The following MGAT5 variants were observed in gnomAD, a reference collection of about 807,000 sequenced individuals.
The protein encoded by MGAT5 is alpha-1,6-mannosylglycoprotein 6-beta-N-acetylglucosaminyltransferase A.
Under a neutral mutation model 94.3 loss-of-function variants are expected in MGAT5, and 30 were observed. That is an observed-to-expected ratio of 0.32 (90% confidence interval 0.24 to 0.43). MGAT5 has a LOEUF of 0.43. Among genes scored for constraint, MGAT5 ranks in the 20% least tolerant of loss-of-function variants. The pLI is 1.00. For synonymous variants in MGAT5, 310 were observed against 322.9 expected (o/e 0.96, Z 0.43); for missense variants, 691 against 905.5 (o/e 0.76, Z 3.04).
At chr2:134,277,334 AAGG>A (rs1684439423) in intron 2 of MGAT5, among the ~76,000 whole-genome samples, 1 of 152,154 alleles carries the variant, frequency 6.6e-6, no homozygotes. Flanking sequence ...TTTATAAAGA[AAGG>A]AGGTTTAACT....
intron 1 of MGAT5, among the ~76,000 whole-genome samples, chr2:134,129,927 C>T (rs959995603): frequency 6.6e-6 from 1 of 152,128 alleles, no homozygotes; most frequent in Admixed American, 6.5e-5. Context: ...CCTCTGCTTG[C>T]GGGGAGGTGT....
chr2:134,308,046 G>A (rs939893397), intron 2 of MGAT5, among the ~76,000 whole-genome samples: 7 of 152,124 alleles, frequency 4.6e-5, no homozygotes, highest in Non-Finnish European at 7.3e-5. Flanking sequence ...TACTTAATCT[G>A]CCTGGGCCTC....
Position 134,272,542 on chromosome 2 carries a change from A to G in MGAT5, c.406+1992A>G, listed in dbSNP as rs148527389. 2.9e-3 allele frequency among the ~76,000 whole-genome samples: 449 copies of G among 152,280 alleles called. 1 individual carries two copies. Among genetic ancestry groups the G allele is most frequent in the African/African-American group, 9.7e-3 (402 of 41,560 alleles). On this transcript the variant is annotated intron_variant, in intron 2 of 15. Coordinates refer to ENST00000281923, the MANE Select transcript of MGAT5 (RefSeq NM_002410.5). Reference sequence around the variant, plus strand: ...ACACATGCATAAAATGACACAAACCATGGTTGCTGTAAAGTGGGGGTGACT... The same window carrying G: ...ACACATGCATAAAATGACACAAACCGTGGTTGCTGTAAAGTGGGGGTGACT...
intron 1 of MGAT5, among the ~76,000 whole-genome samples, chr2:134,124,188 A>T (rs1205430345): frequency 6.6e-6 from 1 of 152,226 alleles, no homozygotes; most frequent in Non-Finnish European, 1.5e-5. Context: ...GTGTTAATAC[A>T]AACTAATAGC....
intron 1 of MGAT5, among the ~76,000 whole-genome samples, chr2:134,138,749 G>C (rs116586360): frequency 7.3e-4 from 111 of 152,224 alleles, no homozygotes; most frequent in African/African-American, 2.6e-3. Context: ...AACTTATGAG[G>C]GAAAGTGAAG....
intron 10 of MGAT5, among the ~76,000 whole-genome samples, chr2:134,387,330 ATATTTTTTTT>A (rs1682084007): frequency 1.0e-4 from 4 of 39,376 alleles, no homozygotes; most frequent in Admixed American, 8.1e-4. Context: ...ATATATATAT[ATATTTTTTTT>A]TTTTTTTTTT....
intron 4 of MGAT5, chr2:134,319,922 CT>C: frequency 3.9e-6 from 1 of 255,632 alleles, no homozygotes; most frequent in Non-Finnish European, 7.9e-6. Flanking sequence ...TAGAGCACTT[CT>C]TTTTCTCTCA....
chr2:134,234,112 G>T (rs1223906836), intron 1 of MGAT5, among the ~76,000 whole-genome samples: 1 of 152,170 alleles, frequency 6.6e-6, no homozygotes, highest in African/African-American at 2.4e-5. Context: ...GAAACAGTCA[G>T]TTGAAAGTTG....
chr2:134,278,284 C>G (rs1684499297), intron 2 of MGAT5, among the ~76,000 whole-genome samples: 1 of 152,160 alleles, frequency 6.6e-6, no homozygotes, highest in Non-Finnish European at 1.5e-5. Flanking sequence ...TGCCTTCATT[C>G]TTAGGCCATC....
chr2:134,428,729 G>A (rs1684724915), intron 14 of MGAT5, among the ~76,000 whole-genome samples: 1 of 152,226 alleles, frequency 6.6e-6, no homozygotes, highest in Non-Finnish European at 1.5e-5. Context: ...TGTGCCCTGA[G>A]TGGGTTCTGA....
chr2:134,171,658 C>T (rs1461680838), intron 1 of MGAT5, among the ~76,000 whole-genome samples: 1 of 152,174 alleles, frequency 6.6e-6, no homozygotes, highest in Non-Finnish European at 1.5e-5. Flanking sequence ...AAAGTTCATA[C>T]AATCTCTTTG....
intron 1 of MGAT5, among the ~76,000 whole-genome samples, chr2:134,232,916 C>T (rs771938401): frequency 2.0e-5 from 3 of 152,066 alleles, no homozygotes; most frequent in African/African-American, 7.2e-5. Flanking sequence ...GAATTATATC[C>T]CCAAAGAGTT....
At chr2:134,216,071 T>A (rs978742480) in intron 1 of MGAT5, among the ~76,000 whole-genome samples, 1 of 152,210 alleles carries the variant, frequency 6.6e-6, no homozygotes, top group Non-Finnish European at 1.5e-5. Context: ...TGTGTTCCAT[T>A]AGATTCCATC....
In MGAT5 at chr2:134,380,788, G is replaced by A. The variant is rs113787202; in HGVS notation, c.1380+18380G>A. ...TATTCAATTTGTAACTTAACAGAGCGCAAGAACCTGGTTTCATTCATTGAC... is the reference window on the plus strand; with the variant it reads ...TATTCAATTTGTAACTTAACAGAGCACAAGAACCTGGTTTCATTCATTGAC... On this transcript the variant is annotated intron_variant, in intron 10 of 15. Coordinates refer to ENST00000281923, the MANE Select transcript of MGAT5 (RefSeq NM_002410.5). 9.8e-4 allele frequency among the ~76,000 whole-genome samples: 149 copies of A among 152,290 alleles called. 1 individual carries two copies. The highest frequency in any genetic ancestry group is 3.2e-3 in the African/African-American group (132 of 41,552).
At chr2:134,271,231 G>A (rs1386496229) in intron 2 of MGAT5, among the ~76,000 whole-genome samples, 2 of 141,088 alleles carry the variant, frequency 1.4e-5, no homozygotes, top group Admixed American at 7.2e-5. Context: ...CCCCATCCCC[G>A]CAACTCCCCC....
chr2:134,308,263 T>C (rs1337172076), intron 2 of MGAT5, among the ~76,000 whole-genome samples: 1 of 152,170 alleles, frequency 6.6e-6, no homozygotes, highest in Non-Finnish European at 1.5e-5. Context: ...ATCCCATTTT[T>C]CCAGTGGTTA....
At chr2:134,212,974 C>T (rs1021374420) in intron 1 of MGAT5, among the ~76,000 whole-genome samples, 4 of 152,248 alleles carry the variant, frequency 2.6e-5, no homozygotes, top group Admixed American at 6.5e-5. Flanking sequence ...GAAGTTGATG[C>T]GTGTGGGAAA....
At chr2:134,293,258 T>C (rs1685481864) in intron 2 of MGAT5, among the ~76,000 whole-genome samples, 1 of 152,198 alleles carries the variant, frequency 6.6e-6, no homozygotes, top group Non-Finnish European at 1.5e-5. Flanking sequence ...TGGAAATGAA[T>C]ACATTATCAG....
chr2:134,127,570 T>C (rs1441235781), intron 1 of MGAT5, among the ~76,000 whole-genome samples: 1 of 134,038 alleles, frequency 7.5e-6, no homozygotes, highest in African/African-American at 2.7e-5. Context: ...GAAAGGAGTG[T>C]CATGGAGCTC....
Sources: gnomAD v4.1 joint callset for allele counts (sites outside exome capture counted in the v4.1 genomes callset) on GRCh38, gnomAD v4.1.1 for gene constraint, MANE v1.5 for transcripts, NCBI Gene and HGNC (gene_info 2026-07-23, HGNC 2026-07-21) for gene names.